Variants in ZNG1B observed in about 807,000 individuals in gnomAD.
The protein encoded by ZNG1B is zinc-regulated GTPase metalloprotein activator 1B.
At chr2:113,469,205 G>A in the ZNG1B span, 1 of 152,098 alleles carries the variant, frequency 6.6e-6, no homozygotes, top group Admixed American at 6.5e-5. Flanking sequence ...GTGCGGTGGT[G>A]CGATCTCGGC....
the ZNG1B span, among the ~76,000 whole-genome samples, chr2:113,485,174 C>T: frequency 2.8e-5 from 4 of 143,758 alleles, no homozygotes; most frequent in African/African-American, 1.1e-4. Flanking sequence ...ATTTTTTTGA[C>T]GGTAGGATTT....
chr2:113,470,208 G>C, the ZNG1B span: 1 of 151,406 alleles, frequency 6.6e-6, no homozygotes, highest in Non-Finnish European at 1.5e-5. Context: ...TCCATGGCCA[G>C]GATGGTCTTG....
the ZNG1B span, among the ~76,000 whole-genome samples, chr2:113,452,189 A>C: frequency 6.6e-6 from 1 of 152,208 alleles, no homozygotes; most frequent in Admixed American, 6.5e-5. Flanking sequence ...GCTTTTGGGA[A>C]AAAAATCAAT....
At chr2:113,473,181 C>T in the ZNG1B span, among the ~76,000 whole-genome samples, 1 of 151,680 alleles carries the variant, frequency 6.6e-6, no homozygotes, top group East Asian at 1.9e-4. Flanking sequence ...GTTTGTAGTT[C>T]TCCTTGAAGA....
At chr2:113,438,035 C>T in the ZNG1B span, 2 of 1,611,836 alleles carry the variant, frequency 1.2e-6, no homozygotes, top group East Asian at 2.2e-5. Context: ...AACTAACCAT[C>T]CCAGTCACAA....
chr2:113,437,695 G>A, the ZNG1B span: 1 of 1,499,754 alleles, frequency 6.7e-7, no homozygotes, highest in South Asian at 1.3e-5. Flanking sequence ...GTGGCTAAGG[G>A]ACGAGGCGCT....
the ZNG1B span, among the ~76,000 whole-genome samples, chr2:113,472,350 A>C: frequency 2.6e-5 from 4 of 151,346 alleles, no homozygotes; most frequent in African/African-American, 9.7e-5. Flanking sequence ...TTTTCTTGTA[A>C]ATTTGTTTGA....
the ZNG1B span, among the ~76,000 whole-genome samples, chr2:113,446,351 A>G: frequency 2.6e-5 from 4 of 152,304 alleles, no homozygotes; most frequent in Non-Finnish European, 4.4e-5. Context: ...TACAATAAAG[A>G]TTTTATTGTT....
chr2:113,450,815 A>G, the ZNG1B span, among the ~76,000 whole-genome samples: 3 of 147,138 alleles, frequency 2.0e-5, no homozygotes, highest in African/African-American at 7.7e-5. Flanking sequence ...TCCTTACCCA[A>G]GTTTGTTTTT....
At chr2:113,459,964 A>C in the ZNG1B span, among the ~76,000 whole-genome samples, 2 of 146,982 alleles carry the variant, frequency 1.4e-5, no homozygotes, top group Non-Finnish European at 3.0e-5. Context: ...CTTGGGCTCT[A>C]AGTCAGTGTC....
chr2:113,457,109 A>G, the ZNG1B span: 1 of 454,688 alleles, frequency 2.2e-6, no homozygotes, highest in Non-Finnish European at 4.4e-6. Flanking sequence ...TATTCTGAGG[A>G]CTTGACACCC....
the ZNG1B span, among the ~76,000 whole-genome samples, chr2:113,454,475 T>G: frequency 4.4e-4 from 66 of 150,932 alleles, no homozygotes; most frequent in African/African-American, 1.5e-3. Context: ...TCTTATTTTC[T>G]TATTTATTTA....
chr2:113,471,467 T>G, the ZNG1B span, among the ~76,000 whole-genome samples: 2 of 93,116 alleles, frequency 2.1e-5, no homozygotes, highest in African/African-American at 3.4e-5. Flanking sequence ...TTTTCTTGAG[T>G]TTTTTTTTAA....
chr2:113,462,870 C>T, the ZNG1B span: 13 of 333,788 alleles, frequency 3.9e-5, no homozygotes, highest in East Asian at 5.2e-4. Context: ...TGTATTCTCA[C>T]TCTGCCAATC....
the ZNG1B span, among the ~76,000 whole-genome samples, chr2:113,452,291 C>T: frequency 6.6e-6 from 1 of 151,996 alleles, no homozygotes; most frequent in Non-Finnish European, 1.5e-5. Flanking sequence ...ATTGTTGACA[C>T]CGAGTGATGC....
At chr2:113,449,844 CT>C in the ZNG1B span, among the ~76,000 whole-genome samples, 1 of 151,816 alleles carries the variant, frequency 6.6e-6, no homozygotes. Context: ...AATGTTTTCT[CT>C]TTTTATTAGG....
chr2:113,492,041 G>A, the ZNG1B span, among the ~76,000 whole-genome samples: 1 of 135,122 alleles, frequency 7.4e-6, no homozygotes, highest in Non-Finnish European at 1.6e-5. Flanking sequence ...CTGCTGGTGG[G>A]AATGTAAACT....
At chr2:113,495,270 A>G in the ZNG1B span, 1 of 1,514,604 alleles carries the variant, frequency 6.6e-7, no homozygotes, top group Non-Finnish European at 8.9e-7. Flanking sequence ...AAGGATTCAC[A>G]GTTTTAAAAC....
chr2:113,490,374 C>A, the ZNG1B span, among the ~76,000 whole-genome samples: 1 of 151,740 alleles, frequency 6.6e-6, no homozygotes, highest in Non-Finnish European at 1.5e-5. Flanking sequence ...GAGGAAAGTT[C>A]ATGGCCCTCA....
Sources: allele counts gnomAD v4.1 joint callset (sites outside exome capture counted in the v4.1 genomes callset), GRCh38; gene constraint gnomAD v4.1.1; transcripts MANE v1.5; gene names NCBI Gene and HGNC (gene_info 2026-07-23, HGNC 2026-07-21).